LRP1B: variants seen among roughly 807,000 people sequenced by gnomAD.
LRP1B encodes the protein LDL receptor related protein 1B.
A neutral mutation model predicts 556.6 loss-of-function variants in LRP1B; 217 were observed. The observed-to-expected ratio is 0.39, with a 90% CI of 0.35 to 0.44. The LOEUF (loss-of-function observed/expected upper bound fraction) is 0.44, where lower values mean the gene tolerates loss of function less well. Among genes scored for constraint, LRP1B ranks in the 20% least tolerant of loss-of-function variants. The probability of loss-of-function intolerance (pLI) is 1.00; values close to 1 mark genes in which losing one functional copy is unlikely to be tolerated. For missense variants in LRP1B, 5,053 were observed against 5,620.8 expected, an observed-to-expected ratio of 0.90 and a Z score of 3.23; for synonymous variants, 2,047 against 1,865.8, an observed-to-expected ratio of 1.10 and a Z score of -2.50.
chr2:140,370,635 T>C (rs945263727), intron 71 of LRP1B, 75 bp downstream of exon 71: 4 of 1,556,764 alleles, frequency 2.6e-6, no homozygotes, highest in Non-Finnish European at 2.6e-6. Context: ...GCCTCTAGCA[T>C]ACACTGTATA....
intron 29 of LRP1B, among the ~76,000 whole-genome samples, chr2:140,843,042 T>C (rs1692156802): frequency 1.4e-5 from 2 of 138,110 alleles, no homozygotes; most frequent in African/African-American, 5.3e-5. Context: ...CTAAAATACA[T>C]GTTCTCCAAA....
intron 31 of LRP1B, among the ~76,000 whole-genome samples, chr2:140,815,112 A>G (rs1006014767): frequency 6.6e-5 from 10 of 152,066 alleles, no homozygotes; most frequent in African/African-American, 2.2e-4. Context: ...TCAGAGAATA[A>G]AGTGAACAAA....
Position 140,658,586 on chromosome 2 carries a change from AT to A in LRP1B, c.6799+41663del, listed in dbSNP as rs112293885. On this transcript the variant is annotated intron_variant, in intron 41 of 90. Coordinates refer to ENST00000389484, the MANE Select transcript of LRP1B (RefSeq NM_018557.3). ...AGTTTTCCCACCTTTAATTTATCCA[AT>A]TTTTTTCTTTTAAATTTGAAAATGA... Among the ~76,000 whole-genome samples, 12 of 152,068 alleles carry A rather than the reference AT, an allele frequency of 7.9e-5. 1 individual carries two copies. Among genetic ancestry groups the A allele is most frequent in the South Asian group, 4.1e-4 (2 of 4,822 alleles).
At chr2:140,272,292 C>CACACACACACAG (rs1424424326) in intron 85 of LRP1B, among the ~76,000 whole-genome samples, 33 of 146,344 alleles carry the variant, frequency 2.3e-4, no homozygotes, top group African/African-American at 3.7e-4. Context: ...CACACACACA[C>CACACACACACAG]AGAATATGTG....
chr2:141,074,715 C>T (rs1699742984), intron 7 of LRP1B, among the ~76,000 whole-genome samples: 1 of 150,968 alleles, frequency 6.6e-6, no homozygotes, highest in Non-Finnish European at 1.5e-5. Flanking sequence ...AGATATAAGA[C>T]TCAGACTTGA....
chr2:140,379,140 A>C (rs1243405922), intron 67 of LRP1B, among the ~76,000 whole-genome samples: 1 of 152,216 alleles, frequency 6.6e-6, no homozygotes, highest in African/African-American at 2.4e-5. Context: ...GATATCTTAC[A>C]TGATGAAAGA....
intron 23 of LRP1B, among the ~76,000 whole-genome samples, chr2:140,897,131 A>G (rs773769840): frequency 1.3e-5 from 2 of 152,240 alleles, no homozygotes; most frequent in Non-Finnish European, 2.9e-5. Flanking sequence ...TTAAAAGATG[A>G]AATATACTTT....
intron 3 of LRP1B, among the ~76,000 whole-genome samples, chr2:141,349,864 A>C (rs1440893045): frequency 2.0e-5 from 3 of 151,968 alleles, no homozygotes; most frequent in African/African-American, 4.8e-5. Flanking sequence ...GATACAGGAA[A>C]TATAATGGTT....
Position 142,121,107 on chromosome 2 carries a change from C to T in LRP1B, c.82+9541G>A, listed in dbSNP as rs139348890. On this transcript the variant is annotated intron_variant, in intron 1 of 90. Transcript: ENST00000389484. ...CTAATACATAGAATGGTGCTGCATT[C>T]GTTCTTATAGAAAATCTTTCTAAAC... Among the ~76,000 whole-genome samples, 18 of 152,230 alleles carry T rather than the reference C, an allele frequency of 1.2e-4. No individual in the cohort carries two copies. In the East Asian group the frequency reaches 1.4e-3, roughly 11 times the overall value.
chr2:140,323,637 AACAGATT>A (rs1573790642), intron 81 of LRP1B, among the ~76,000 whole-genome samples: 1 of 151,980 alleles, frequency 6.6e-6, no homozygotes, highest in East Asian at 1.9e-4. Flanking sequence ...GAAACAGAAT[AACAGATT>A]ATTGTAAGAA....
chr2:140,640,193 A>G (rs1338282668), intron 41 of LRP1B, among the ~76,000 whole-genome samples: 1 of 149,592 alleles, frequency 6.7e-6, no homozygotes, highest in Non-Finnish European at 1.5e-5. Context: ...TTTAGTAGAG[A>G]CGGGGTTTCA....
chr2:142,057,831 A>G (rs1298550441), intron 1 of LRP1B, among the ~76,000 whole-genome samples: 1 of 152,106 alleles, frequency 6.6e-6, no homozygotes, highest in Non-Finnish European at 1.5e-5. Flanking sequence ...TCCTTCTCTG[A>G]AAATTTTTAG....
chr2:141,339,367 A>G (rs1025584167), intron 3 of LRP1B, among the ~76,000 whole-genome samples: 14 of 152,146 alleles, frequency 9.2e-5, no homozygotes, highest in Admixed American at 6.6e-4. Context: ...TCTAAAGTCA[A>G]TACTCTGGAC....
chr2:141,817,390 A>G (rs184460698), intron 1 of LRP1B, among the ~76,000 whole-genome samples: 18 of 152,276 alleles, frequency 1.2e-4, no homozygotes, highest in African/African-American at 4.1e-4. Context: ...AGCATAGCCT[A>G]CACAGTTTAC....
At chr2:141,194,329 C>A (rs10172648) in intron 6 of LRP1B, among the ~76,000 whole-genome samples, 57,294 of 151,722 alleles carry the variant, frequency 0.38, 11,276 homozygotes, top group East Asian at 0.71. Context: ...TTCTACCAAC[C>A]AGAAATGGCA....
chr2:140,255,223 C>T (rs1285518027), intron 86 of LRP1B, among the ~76,000 whole-genome samples: 1 of 152,158 alleles, frequency 6.6e-6, no homozygotes, highest in Non-Finnish European at 1.5e-5. Context: ...ATTACCCATT[C>T]ACACACATTT....
chr2:141,572,611 C>T (rs1004131655), intron 2 of LRP1B, among the ~76,000 whole-genome samples: 2 of 152,212 alleles, frequency 1.3e-5, no homozygotes, highest in Non-Finnish European at 2.9e-5. Context: ...TGGCTAAATA[C>T]TCCAGTTAAA....
chr2:141,262,758 G>A (rs114307158), intron 3 of LRP1B, among the ~76,000 whole-genome samples: 1,857 of 152,004 alleles, frequency 0.012, 20 homozygotes, highest in Middle Eastern at 0.038. Flanking sequence ...CTTATGTTTC[G>A]TTAATCTGTA....
At chr2:140,541,676 AAAAG>A in intron 44 of LRP1B, 99 bp downstream of exon 44, 1 of 948,642 alleles carries the variant, frequency 1.1e-6, no homozygotes, top group Non-Finnish European at 1.5e-6. Flanking sequence ...AATATTTTTT[AAAAG>A]AAAAAGCAAA....
Sources: gnomAD v4.1 joint callset for allele counts (sites outside exome capture counted in the v4.1 genomes callset) on GRCh38, gnomAD v4.1.1 for gene constraint, MANE v1.5 for transcripts, NCBI Gene and HGNC (gene_info 2026-07-23, HGNC 2026-07-21) for gene names.